DIAPH1: variants seen among roughly 807,000 people sequenced by gnomAD.
DIAPH1 encodes the protein protein diaphanous homolog 1.
A neutral mutation model predicts 140.7 loss-of-function variants in DIAPH1; 46 were observed. That is an observed-to-expected ratio of 0.33 (90% CI 0.26 to 0.42). The LOEUF is 0.42. Ranked by LOEUF, DIAPH1 falls within the 10% of genes least tolerant of loss-of-function variation. The probability of loss-of-function intolerance (pLI) is 1.00; values close to 1 mark genes in which losing one functional copy is unlikely to be tolerated. For synonymous variants in DIAPH1, 565 were observed against 551.6 expected, an observed-to-expected ratio of 1.02 and a Z score of -0.34; for missense variants, 1,310 against 1,558.7, an observed-to-expected ratio of 0.84 and a Z score of 2.69.
rs1423223145 is a variant in DIAPH1 at position 141,539,888 on chromosome 5, T to C, written c.2483-5455A>G. Among the ~76,000 whole-genome samples, 3 of 151,478 alleles carry C rather than the reference T, an allele frequency of 2.0e-5. No homozygotes were observed. The East Asian group carries it at 5.8e-4, about 29-fold the overall frequency. On this transcript the variant is annotated intron_variant, in intron 18 of 27. Transcript: ENST00000389054. The stretch of plus-strand genomic sequence containing the variant: ...ATAATAAGCTTTTGGTTTCACTGAT[T>C]GTCTCTATTTTTTTTTTCTATTCTC...
rs1490817099 is a variant in DIAPH1 at position 141,524,245 on chromosome 5, A to T, written c.3575-16T>A. 3 of 1,610,134 alleles carry T rather than the reference A, an allele frequency of 1.9e-6. No individual in the cohort carries two copies. In the African/African-American group the frequency reaches 4.0e-5, roughly 22 times the overall value. ...TCATCGCCCTCTGTTATAAAGAACA[A>T]GATGGAGATGTGAACTCTTCAGCCA... On this transcript the variant is annotated splice_polypyrimidine_tract_variant and intron_variant, in intron 26 of 27. Coordinates refer to ENST00000389054, the MANE Select transcript of DIAPH1 (RefSeq NM_005219.5).
In DIAPH1 at chr5:141,549,580, AT is replaced by A. The variant is rs369880241; in HGVS notation, c.2483-15148del. On this transcript the variant is annotated intron_variant, in intron 18 of 27. Coordinates refer to ENST00000389054, the MANE Select transcript of DIAPH1 (RefSeq NM_005219.5). ...ACAATGTACCCAATAATACTAACATATCTTTTTTCATATGTATACAGCATAT... is the reference window on the plus strand; with the variant it reads ...ACAATGTACCCAATAATACTAACATACTTTTTTCATATGTATACAGCATAT... Among the ~76,000 whole-genome samples, 587 of 152,302 alleles carry A rather than the reference AT, an allele frequency of 3.9e-3. 3 individuals are homozygous for A. Among genetic ancestry groups the A allele is most frequent in the African/African-American group, 0.013 (529 of 41,578 alleles).
chr5:141,540,286 AATTT>A (rs928764726), intron 18 of DIAPH1, among the ~76,000 whole-genome samples: 2 of 148,398 alleles, frequency 1.3e-5, no homozygotes, highest in Admixed American at 6.7e-5. Flanking sequence ...ATGCCTGGCT[AATTT>A]TTTTTTTTTT....
chr5:141,528,682 G>C lies in DIAPH1; in HGVS notation c.3018+20C>G, dbSNP rs2099887747. The C allele has an allele frequency of 6.2e-7, 1 of 1,614,108 alleles. No individual in the cohort carries two copies. Among genetic ancestry groups the C allele is most frequent in the Non-Finnish European group, 8.5e-7 (1 of 1,180,052 alleles). ...GCTACAGCCTTCCTTGTGTTGTCCT[G>C]CCCTACCTCTTTGGCTCACCTTACA... On this transcript the variant is annotated intron_variant, in intron 22 of 27. Transcript: ENST00000389054.
chr5:141,587,393 A>C, intron 2 of DIAPH1, 196 bp from the exon 3 acceptor site: 1 of 615,278 alleles, frequency 1.6e-6, no homozygotes, highest in Non-Finnish European at 2.9e-6. Flanking sequence ...CTGTACTCTC[A>C]TCTATGTTCA....
intron 12 of DIAPH1, 122 bp downstream of exon 12, chr5:141,577,353 G>T: frequency 1.3e-6 from 1 of 794,076 alleles, no homozygotes; most frequent in Non-Finnish European, 2.2e-6. Context: ...GGTGACTAAT[G>T]AACCCTAATC....
At position 141,516,736 on chromosome 5, in the gene DIAPH1, A is replaced by AG. The variant is rs1162631789; in HGVS notation, c.*114dup. On this transcript the variant is annotated 3_prime_UTR_variant, in exon 28 of 28. Transcript: ENST00000389054. ...GCAGGCCAGAGAGAAAGACAGGGTC[A>AG]GGGTGGTGGGAGTGGCCACCCCAGA... 1 of 1,102,808 alleles carries AG rather than the reference A, an allele frequency of 9.1e-7. No individual in the cohort carries two copies. The allele number at this position is 1,102,808 out of a possible 1,614,324, so 68.3% of individuals were successfully genotyped here.
At chr5:141,559,051 T>C (rs1227897830) in intron 18 of DIAPH1, among the ~76,000 whole-genome samples, 1 of 152,200 alleles carries the variant, frequency 6.6e-6, no homozygotes, top group East Asian at 1.9e-4. Context: ...GAAATAACTT[T>C]CTGTGAGGGT....
intron 18 of DIAPH1, among the ~76,000 whole-genome samples, chr5:141,539,209 G>A (rs1016997060): frequency 1.1e-4 from 16 of 151,962 alleles, no homozygotes; most frequent in Admixed American, 2.6e-4. Flanking sequence ...CCCAGGAGGC[G>A]GAGGTTGCAG....
At chr5:141,541,168 T>TA (rs151092771) in intron 18 of DIAPH1, among the ~76,000 whole-genome samples, 1,620 of 152,350 alleles carry the variant, frequency 0.011, 41 homozygotes, top group African/African-American at 0.037. Flanking sequence ...CAGAGATGTT[T>TA]AAAAAATCAT....
chr5:141,569,303 T>C (rs377453194), intron 18 of DIAPH1, among the ~76,000 whole-genome samples: 1 of 152,200 alleles, frequency 6.6e-6, no homozygotes, highest in East Asian at 1.9e-4. Flanking sequence ...CTACTTCATC[T>C]GGAAGATGAA....
At chr5:141,541,146 A>G (rs1406965718) in intron 18 of DIAPH1, among the ~76,000 whole-genome samples, 1 of 152,214 alleles carries the variant, frequency 6.6e-6, no homozygotes, top group Non-Finnish European at 1.5e-5. Context: ...ACTGTGAGAA[A>G]CATCATGATT....
chr5:141,520,920 A>G (rs2099886436), intron 27 of DIAPH1, among the ~76,000 whole-genome samples: 1 of 152,024 alleles, frequency 6.6e-6, no homozygotes, highest in Non-Finnish European at 1.5e-5. Context: ...TATTTTTTTG[A>G]GATGGAGTCT....
At chr5:141,581,336 C>T (rs1316789561) in intron 7 of DIAPH1, among the ~76,000 whole-genome samples, 1 of 152,138 alleles carries the variant, frequency 6.6e-6, no homozygotes, top group Non-Finnish European at 1.5e-5. Context: ...GAAATTCTAG[C>T]CTCTAGAATT....
Position 141,517,777 on chromosome 5 carries a change from A to C in DIAPH1, c.3662-769T>G, listed in dbSNP as rs543428590. On this transcript the variant is annotated intron_variant, in intron 27 of 27. Coordinates refer to ENST00000389054, the MANE Select transcript of DIAPH1 (RefSeq NM_005219.5). Reference sequence around the variant, plus strand: ...CAAGAAATCTCAGCCCAGGTGGCTAAGAGATGGTCAAGTTCCGGCTGTCAT... The same window carrying C: ...CAAGAAATCTCAGCCCAGGTGGCTACGAGATGGTCAAGTTCCGGCTGTCAT... Among the ~76,000 whole-genome samples the C allele has an allele frequency of 5.3e-5, 8 of 152,336 alleles. No individual in the cohort carries two copies. The South Asian group carries it at 1.7e-3, about 32-fold the overall frequency.
intron 18 of DIAPH1, among the ~76,000 whole-genome samples, chr5:141,546,662 G>GAA (rs547342313): frequency 2.6e-5 from 3 of 116,306 alleles, no homozygotes; most frequent in Non-Finnish European, 3.7e-5. Context: ...AAAAAAAAAA[G>GAA]AAAAAAAAAA....
At chr5:141,618,066 T>A (rs183611211) in intron 1 of DIAPH1, among the ~76,000 whole-genome samples, 1 of 152,170 alleles carries the variant, frequency 6.6e-6, no homozygotes, top group Non-Finnish European at 1.5e-5. Context: ...AAGGGCACAA[T>A]CATGAGAGTT....
chr5:141,563,553 A>G (rs1319778945), intron 18 of DIAPH1: 3 of 152,162 alleles, frequency 2.0e-5, no homozygotes, highest in Non-Finnish European at 4.4e-5. Flanking sequence ...TGACTGTACC[A>G]AGATGTTAGA....
intron 1 of DIAPH1, among the ~76,000 whole-genome samples, chr5:141,615,188 C>T (rs963529453): frequency 6.6e-6 from 1 of 152,086 alleles, no homozygotes; most frequent in Non-Finnish European, 1.5e-5. Context: ...GTAATCCCAG[C>T]ACTTCGGGAG....
Sources: gnomAD v4.1 joint callset for allele counts (sites outside exome capture counted in the v4.1 genomes callset) on GRCh38, gnomAD v4.1.1 for gene constraint, MANE v1.5 for transcripts, NCBI Gene and HGNC (gene_info 2026-07-23, HGNC 2026-07-21) for gene names.